Variants in SORCS3 observed in about 807,000 individuals in gnomAD.
The protein encoded by SORCS3 is sortilin related VPS10 domain containing receptor 3.
A neutral mutation model predicts 146.3 loss-of-function variants in SORCS3; 57 were observed. The ratio of observed to expected loss-of-function variants is 0.39; its 90% CI spans 0.31 to 0.49. SORCS3 has a LOEUF of 0.49. Ranked by LOEUF, SORCS3 falls within the 20% of genes least tolerant of loss-of-function variation. The probability of loss-of-function intolerance (pLI) is 0.92; values close to 1 mark genes in which losing one functional copy is unlikely to be tolerated. For missense variants in SORCS3, 1,341 were observed against 1,575.5 expected (o/e 0.85, Z 2.52); for synonymous variants, 653 against 618.5 (o/e 1.06, Z -0.83).
At chr10:104,692,479 A>G (rs1441862998) in intron 1 of SORCS3, among the ~76,000 whole-genome samples, 1 of 152,142 alleles carries the variant, frequency 6.6e-6, no homozygotes, top group Non-Finnish European at 1.5e-5. Flanking sequence ...AACTGCAATT[A>G]CTCTTGCACC....
At chr10:104,880,074 C>A (rs2018616363) in intron 2 of SORCS3, among the ~76,000 whole-genome samples, 2 of 152,152 alleles carry the variant, frequency 1.3e-5, no homozygotes, top group South Asian at 4.1e-4. Flanking sequence ...TTTAAATAAC[C>A]ATGTACCACC....
chr10:104,936,843 A>C (rs1226888365), intron 3 of SORCS3, among the ~76,000 whole-genome samples: 1 of 152,218 alleles, frequency 6.6e-6, no homozygotes, highest in African/African-American at 2.4e-5. Context: ...AAATGAACAG[A>C]CTTGGTCTCT....
At chr10:104,708,338 A>C (rs751361195) in intron 1 of SORCS3, among the ~76,000 whole-genome samples, 50 of 152,154 alleles carry the variant, frequency 3.3e-4, no homozygotes, top group Non-Finnish European at 6.2e-4. Context: ...AGCCTTCCTG[A>C]TGGCACTGCA....
intron 1 of SORCS3, among the ~76,000 whole-genome samples, chr10:104,681,226 G>A (rs766332609): frequency 6.6e-6 from 1 of 152,216 alleles, no homozygotes; most frequent in Non-Finnish European, 1.5e-5. Flanking sequence ...TGGAGAGGCG[G>A]TTGCTTTTTC....
chr10:104,742,809 C>T (rs920217143), intron 1 of SORCS3, among the ~76,000 whole-genome samples: 1 of 152,158 alleles, frequency 6.6e-6, no homozygotes, highest in Middle Eastern at 3.2e-3. Context: ...TTGGATGGAA[C>T]AGGGCTCCAT....
chr10:104,699,973 A>G (rs1049685436), intron 1 of SORCS3, among the ~76,000 whole-genome samples: 5 of 152,210 alleles, frequency 3.3e-5, no homozygotes, highest in Non-Finnish European at 7.3e-5. Flanking sequence ...TAAAAATGTA[A>G]TAAATACCCA....
intron 1 of SORCS3, among the ~76,000 whole-genome samples, chr10:104,767,227 C>T (rs76853620): frequency 0.012 from 1,878 of 152,274 alleles, 31 homozygotes; most frequent in African/African-American, 0.038. Context: ...TCAGGATTTA[C>T]ATAGAGAAAA....
chr10:104,971,531 A>G (rs1174186281), intron 3 of SORCS3, among the ~76,000 whole-genome samples: 1 of 152,194 alleles, frequency 6.6e-6, no homozygotes, highest in Non-Finnish European at 1.5e-5. Context: ...GTAGGGCTGG[A>G]ATCAGGTACC....
chr10:105,148,849 G>T (rs58274305), intron 9 of SORCS3, among the ~76,000 whole-genome samples: 1 of 152,066 alleles, frequency 6.6e-6, no homozygotes, highest in Non-Finnish European at 1.5e-5. Flanking sequence ...GAGTGATAAG[G>T]TTTGGTTCTG....
intron 1 of SORCS3, among the ~76,000 whole-genome samples, chr10:104,694,394 CTG>C (rs1339487360): frequency 2.0e-5 from 3 of 151,890 alleles, no homozygotes; most frequent in African/African-American, 7.3e-5. Context: ...CTCTCAGTTG[CTG>C]TGTCCTGATT....
chr10:105,142,026 C>T (rs1356785790), intron 8 of SORCS3, among the ~76,000 whole-genome samples: 2 of 152,162 alleles, frequency 1.3e-5, no homozygotes, highest in Non-Finnish European at 2.9e-5. Flanking sequence ...GGCTCTTAAC[C>T]TGTCCTACAT....
intron 1 of SORCS3, among the ~76,000 whole-genome samples, chr10:104,652,059 ATGTGTGTGTGTGTG>A (rs3069971): frequency 1.6e-4 from 24 of 148,944 alleles, no homozygotes; most frequent in African/African-American, 4.2e-4. Context: ...TATATTTTAA[ATGTGTGTGTGTGTG>A]TGTGTGTGTG....
At chr10:104,801,715 C>A (rs183434665) in intron 1 of SORCS3, among the ~76,000 whole-genome samples, 1 of 151,944 alleles carries the variant, frequency 6.6e-6, no homozygotes, top group African/African-American at 2.4e-5. Flanking sequence ...AAGCAGGGCC[C>A]GAAAGAAGGA....
intron 4 of SORCS3, among the ~76,000 whole-genome samples, chr10:105,032,991 G>C (rs1269328327): frequency 6.6e-6 from 1 of 152,166 alleles, no homozygotes; most frequent in Admixed American, 6.5e-5. Context: ...ATGAATTGCA[G>C]CATATAAAAT....
At chr10:104,822,119 C>T in intron 1 of SORCS3, 1 of 518,326 alleles carries the variant, frequency 1.9e-6, no homozygotes, top group South Asian at 1.4e-5. Context: ...TCTTATTTCT[C>T]TAGATCAGGA....
chr10:104,669,559 G>A (rs990515803), intron 1 of SORCS3, among the ~76,000 whole-genome samples: 35 of 152,280 alleles, frequency 2.3e-4, no homozygotes, highest in African/African-American at 6.7e-4. Context: ...TGTAATATGC[G>A]TCAGAATGTC....
intron 4 of SORCS3, among the ~76,000 whole-genome samples, chr10:104,991,612 C>G (rs1485101869): frequency 2.0e-5 from 3 of 150,718 alleles, no homozygotes; most frequent in East Asian, 2.0e-4. Context: ...AGCAATTATT[C>G]TGCCTCAGCC....
intron 7 of SORCS3, among the ~76,000 whole-genome samples, chr10:105,114,075 T>G (rs1245274741): frequency 6.6e-6 from 1 of 152,118 alleles, no homozygotes; most frequent in East Asian, 1.9e-4. Flanking sequence ...AGTAATAAGA[T>G]TCATACCCTG....
At chr10:105,128,364 G>GGT (rs1481614856) in intron 7 of SORCS3, among the ~76,000 whole-genome samples, 1 of 152,102 alleles carries the variant, frequency 6.6e-6, no homozygotes, top group African/African-American at 2.4e-5. Flanking sequence ...TCACTCATGA[G>GGT]ACATGCAAAT....
Sources: allele counts gnomAD v4.1 joint callset (sites outside exome capture counted in the v4.1 genomes callset), GRCh38; gene constraint gnomAD v4.1.1; transcripts MANE v1.5; gene names NCBI Gene and HGNC (gene_info 2026-07-23, HGNC 2026-07-21).